Variants in APOBEC2 observed in about 807,000 individuals in gnomAD.
APOBEC2 encodes apolipoprotein B mRNA editing enzyme catalytic subunit 2.
A neutral mutation model predicts 19.4 loss-of-function variants in APOBEC2; 14 were observed. The observed-to-expected ratio is 0.72, with a 90% CI of 0.48 to 1.13. APOBEC2 has a LOEUF of 1.13. Among genes scored for constraint, APOBEC2 ranks in the 50% most tolerant of loss-of-function variants. The probability of loss-of-function intolerance (pLI) is 0.00; values close to 1 mark genes in which losing one functional copy is unlikely to be tolerated. For synonymous variants in APOBEC2, 127 were observed against 112.1 expected, an observed-to-expected ratio of 1.13 and a Z score of -0.84; for missense variants, 304 against 277.0, an observed-to-expected ratio of 1.10 and a Z score of -0.69.
intron 2 of APOBEC2, among the ~76,000 whole-genome samples, 183 bp from the exon 3 acceptor site, chr6:41,063,914 CGAAA>C (rs1762916340): frequency 6.6e-6 from 1 of 150,876 alleles, no homozygotes; most frequent in Non-Finnish European, 1.5e-5. Context: ...AAAACATGAA[CGAAA>C]GACTGGCTTC....
chr6:41,059,716 G>C (rs1426861483), intron 1 of APOBEC2, among the ~76,000 whole-genome samples: 1 of 152,156 alleles, frequency 6.6e-6, no homozygotes, highest in African/African-American at 2.4e-5. Context: ...TTGGTGATGG[G>C]TGGGGGTGAG....
chr6:41,053,592 G>A, intron 1 of APOBEC2, 114 bp downstream of exon 1: 1 of 1,488,542 alleles, frequency 6.7e-7, no homozygotes, highest in Non-Finnish European at 9.1e-7. Context: ...CAACCCTGCA[G>A]CAGTGAGAGT....
At chr6:41,060,775 G>A (rs748775643) in intron 1 of APOBEC2, among the ~76,000 whole-genome samples, 1 of 152,352 alleles carries the variant, frequency 6.6e-6, no homozygotes, top group Non-Finnish European at 1.5e-5. Flanking sequence ...CAATTTACAT[G>A]AGTTACAAGG....
At chr6:41,058,399 C>CCACACA (rs3049087) in intron 1 of APOBEC2, among the ~76,000 whole-genome samples, 20 of 142,610 alleles carry the variant, frequency 1.4e-4, no homozygotes, top group African/African-American at 3.9e-4. Flanking sequence ...CACCACCCCA[C>CCACACA]CACACACACA....
In APOBEC2 at chr6:41,063,767, A is replaced by G. The variant is rs542437369; in HGVS notation, c.*22-334A>G. Among the ~76,000 whole-genome samples, 199 of 148,222 alleles carry G rather than the reference A, an allele frequency of 1.3e-3. 3 individuals carry two copies. Among genetic ancestry groups the G allele is most frequent in the Non-Finnish European group, 7.1e-4 (48 of 67,370 alleles). ...TGAGAAATGAGCATTTGTTAAATAA[A>G]GTGTCTTATTTTACATACTTATTTC... On this transcript the variant is annotated intron_variant, in intron 2 of 2. Transcript: ENST00000244669.
Position 41,061,435 on chromosome 6 carries a change from G to A in APOBEC2, c.239G>A (p.Gly80Glu), listed in dbSNP as rs576236484. The A allele has an allele frequency of 1.4e-4, 227 of 1,613,088 alleles. 4 individuals carry two copies. In the South Asian group the frequency reaches 1.8e-3, roughly 13 times the overall value. Residue 80 changes from glycine (G) to glutamate (E), a missense_variant, in exon 2 of 3, where the codon GGG becomes GAG. By Grantham distance (98) the Gly-to-Glu change is moderately conservative (BLOSUM62 -2). Coordinates refer to ENST00000244669, the MANE Select transcript of APOBEC2 (RefSeq NM_006789.4). ...LCYVVEAQGK[G>E]GQVQASRGYL... ...TATGTGGTTGAAGCACAGGGCAAGGGGGGCCAAGTGCAGGCATCTCGGGGA... is the reference window on the plus strand; with the variant it reads ...TATGTGGTTGAAGCACAGGGCAAGGAGGGCCAAGTGCAGGCATCTCGGGGA...
chr6:41,062,691 G>A (rs1762890722), intron 2 of APOBEC2, among the ~76,000 whole-genome samples: 1 of 152,200 alleles, frequency 6.6e-6, no homozygotes, highest in African/African-American at 2.4e-5. Context: ...AGAGGTGATA[G>A]GAGAAAGATT....
intron 1 of APOBEC2, among the ~76,000 whole-genome samples, chr6:41,054,323 A>G (rs1426962640): frequency 1.3e-5 from 2 of 152,228 alleles, no homozygotes; most frequent in Non-Finnish European, 2.9e-5. Flanking sequence ...AAGAGAATCT[A>G]TGAGGCCATA....
chr6:41,064,309 G>A lies in APOBEC2; in HGVS notation c.*230G>A, dbSNP rs1762926712. 1 of 152,444 alleles carries A rather than the reference G, an allele frequency of 6.6e-6. No individual in the cohort carries two copies. Among genetic ancestry groups the A allele is most frequent in the Admixed American group, 6.5e-5 (1 of 15,284 alleles). 9.4% of individuals were successfully genotyped at this position (152,444 alleles called of 1,614,324 possible). A position where few individuals can be genotyped will look rare whatever the true frequency, so the allele number is the denominator to read the frequency against. ...AATGCTGCTCTCGGGAAGGACGAAA[G>A]TGACCTGCAAGGAGAGAAATGCAAC... On this transcript the variant is annotated 3_prime_UTR_variant, in exon 3 of 3. Transcript: ENST00000244669.
At chr6:41,056,591 A>G (rs1479356831) in intron 1 of APOBEC2, among the ~76,000 whole-genome samples, 1 of 152,234 alleles carries the variant, frequency 6.6e-6, no homozygotes, top group Non-Finnish European at 1.5e-5. Context: ...GCATCCAAAA[A>G]ACCAGAGAGG....
At position 41,060,623 on chromosome 6, in the gene APOBEC2, A is replaced by T. The variant is rs561028416; in HGVS notation, c.132-705A>T. Among the ~76,000 whole-genome samples, 3 of 152,374 alleles carry T rather than the reference A, an allele frequency of 2.0e-5. No homozygotes were observed. In the South Asian group the frequency reaches 6.2e-4, roughly 32 times the overall value. On this transcript the variant is annotated intron_variant, in intron 1 of 2. Transcript: ENST00000244669. ...GCTTAACTATCCCAAGATACCCTTG[A>T]GTAGTCTGTCCTCACAGATAAAAAT... is the stretch of plus-strand genomic sequence containing the variant.
At chr6:41,056,620 GAAT>G (rs1367930720) in intron 1 of APOBEC2, among the ~76,000 whole-genome samples, 1 of 152,194 alleles carries the variant, frequency 6.6e-6, no homozygotes, top group Non-Finnish European at 1.5e-5. Flanking sequence ...TATATTTACT[GAAT>G]AAGAGTTTTT....
At position 41,061,582 on chromosome 6, in the gene APOBEC2, C is replaced by G. The variant is rs763613589; in HGVS notation, c.386C>G (p.Ala129Gly). Reference protein sequence around the residue: ...VTWYVSSSPCAACADRIIKTL... With the variant: ...VTWYVSSSPCGACADRIIKTL... ...TGGTATGTGTCCTCCAGCCCCTGTGCAGCGTGTGCTGACCGCATTATCAAA... is the reference window on the plus strand; with the variant it reads ...TGGTATGTGTCCTCCAGCCCCTGTGGAGCGTGTGCTGACCGCATTATCAAA... The change falls in exon 2 of 3, where the codon GCA becomes GGA. Residue 129 changes from alanine (A) to glycine (G), a missense_variant. Coordinates refer to ENST00000244669, the MANE Select transcript of APOBEC2 (RefSeq NM_006789.4). 6 of 1,614,242 alleles carry G rather than the reference C, an allele frequency of 3.7e-6. No individual in the cohort carries two copies. The South Asian group carries it at 6.6e-5, about 18-fold the overall frequency.
chr6:41,061,749 G>T lies in APOBEC2; in HGVS notation c.553G>T (p.Glu185Ter). Reference sequence around the variant, plus strand: ...GCGCATCATGAAGCCCCAGGACTTCGAATATGTCTGGCAGAATTTTGTGGA... The same window carrying T: ...GCGCATCATGAAGCCCCAGGACTTCTAATATGTCTGGCAGAATTTTGTGGA... The part of the protein sequence containing the change: ...KLRIMKPQDF[E>*]YVWQNFVEQE... Residue 185 changes from glutamate (E) to a stop codon, truncating the protein, a stop_gained, in exon 2 of 3, where the codon GAA becomes TAA. Transcript: ENST00000244669. LOFTEE classifies it high-confidence loss of function. 1 of 1,614,192 alleles carries T rather than the reference G, an allele frequency of 6.2e-7. No homozygotes were observed. Among genetic ancestry groups the T allele is most frequent in the Non-Finnish European group, 8.5e-7 (1 of 1,180,024 alleles).
At chr6:41,060,579 G>A (rs1372475304) in intron 1 of APOBEC2, among the ~76,000 whole-genome samples, 2 of 152,182 alleles carry the variant, frequency 1.3e-5, no homozygotes, top group Non-Finnish European at 2.9e-5. Context: ...ATTTGGAGGT[G>A]ACTCAATACT....
chr6:41,057,209 C>CA (rs1289559967), intron 1 of APOBEC2, among the ~76,000 whole-genome samples: 2 of 152,138 alleles, frequency 1.3e-5, no homozygotes, highest in Non-Finnish European at 2.9e-5. Context: ...AGGCAGTGTC[C>CA]AGAGGAGAAG....
chr6:41,058,884 T>G (rs918792729), intron 1 of APOBEC2, among the ~76,000 whole-genome samples: 5 of 152,210 alleles, frequency 3.3e-5, no homozygotes, highest in Non-Finnish European at 5.9e-5. Context: ...TTGAAAGCAC[T>G]TCTTTTCCTG....
chr6:41,064,081 T>C lies in APOBEC2; in HGVS notation c.*22-20T>C, dbSNP rs1460217570. 6.6e-6 allele frequency: 1 copy of C among 152,564 alleles called. No homozygotes were observed. Among genetic ancestry groups the C allele is most frequent in the Non-Finnish European group, 1.5e-5 (1 of 68,010 alleles). The allele number at this position is 152,564 out of a possible 1,614,324, so 9.5% of individuals were successfully genotyped here. A position where few individuals can be genotyped will look rare whatever the true frequency, so the allele number is the denominator to read the frequency against. ...CAGCAGAGCTCTCAGTAACACATTT[T>C]CTTTGTTTGTTTTACCAAGGTATTC... On this transcript the variant is annotated intron_variant, in intron 2 of 2. Coordinates refer to ENST00000244669, the MANE Select transcript of APOBEC2 (RefSeq NM_006789.4).
chr6:41,055,640 C>T (rs1351746385), intron 1 of APOBEC2, among the ~76,000 whole-genome samples: 3 of 152,112 alleles, frequency 2.0e-5, no homozygotes, highest in Admixed American at 6.5e-5. Context: ...GTAGCTTTTC[C>T]GGAAACAGTC....
Sources: allele counts gnomAD v4.1 joint callset (sites outside exome capture counted in the v4.1 genomes callset), GRCh38; gene constraint gnomAD v4.1.1; transcripts MANE v1.5; gene names NCBI Gene and HGNC (gene_info 2026-07-23, HGNC 2026-07-21).